MDGA2: variants seen among roughly 807,000 people sequenced by gnomAD.
MDGA2 encodes the protein MAM domain-containing glycosylphosphatidylinositol anchor protein 2.
In MDGA2, 40 loss-of-function variants were observed where a neutral mutation model predicts 117.8. The observed-to-expected ratio is 0.34, with a 90% CI of 0.26 to 0.44. MDGA2 has a LOEUF of 0.44. Ranked by LOEUF, MDGA2 falls within the 20% of genes least tolerant of loss-of-function variation. MDGA2 has a pLI of 1.00. For synonymous variants in MDGA2, 452 were observed against 439.0 expected (o/e 1.03, Z -0.37); for missense variants, 1,123 against 1,250.6 (o/e 0.90, Z 1.54).
At chr14:46,979,206 C>T (rs1886576546) in intron 8 of MDGA2, among the ~76,000 whole-genome samples, 1 of 151,858 alleles carries the variant, frequency 6.6e-6, no homozygotes, top group Non-Finnish European at 1.5e-5. Context: ...TTTTGGAATA[C>T]CGGGAACTGC....
chr14:47,610,440 A>C (rs1896826552), intron 1 of MDGA2, among the ~76,000 whole-genome samples: 1 of 152,044 alleles, frequency 6.6e-6, no homozygotes, highest in Admixed American at 6.6e-5. Context: ...GAAAGCTCCT[A>C]GAATAAAATA....
intron 15 of MDGA2, among the ~76,000 whole-genome samples, chr14:46,850,412 G>A (rs1174568008): frequency 6.6e-6 from 1 of 151,768 alleles, no homozygotes; most frequent in East Asian, 1.9e-4. Flanking sequence ...TGCCTTCATT[G>A]TTAATGGTGA....
intron 14 of MDGA2, among the ~76,000 whole-genome samples, chr14:46,867,994 A>T (rs545489531): frequency 6.6e-6 from 1 of 152,056 alleles, no homozygotes. Flanking sequence ...TAAACTGCAT[A>T]CTTTCAATTC....
intron 2 of MDGA2, among the ~76,000 whole-genome samples, chr14:47,239,257 A>G (rs1445911840): frequency 3.3e-5 from 5 of 150,728 alleles, no homozygotes; most frequent in Non-Finnish European, 4.4e-5. Context: ...GTGCTAAATT[A>G]AATTACGGAC....
chr14:47,151,884 A>G (rs1395805330), intron 3 of MDGA2, among the ~76,000 whole-genome samples: 1 of 152,038 alleles, frequency 6.6e-6, no homozygotes, highest in African/African-American at 2.4e-5. Flanking sequence ...GGCACACTCA[A>G]TAATCTAATA....
intron 2 of MDGA2, among the ~76,000 whole-genome samples, chr14:47,247,452 C>T (rs1290813176): frequency 6.6e-6 from 1 of 151,132 alleles, no homozygotes; most frequent in Non-Finnish European, 1.5e-5. Context: ...GTACAGGCAC[C>T]TGCCACCATG....
At position 47,384,371 on chromosome 14, in the gene MDGA2, ATAATCT is replaced by A. The variant is rs1396841681; in HGVS notation, c.281-82827_281-82822del. On this transcript the variant is annotated intron_variant, in intron 1 of 16. Transcript: ENST00000399232. ...CCTCATTTTGATACTAAACCTCATAATAATCTTAAAGTCTAGAACAAAAGTGAATGT... is the reference window on the plus strand; with the variant it reads ...CCTCATTTTGATACTAAACCTCATAATAAAGTCTAGAACAAAAGTGAATGT... Among the ~76,000 whole-genome samples, 14 of 151,652 alleles carry A rather than the reference ATAATCT, an allele frequency of 9.2e-5. 1 individual carries two copies. The East Asian group carries it at 2.7e-3, about 29-fold the overall frequency.
chr14:46,951,731 T>C (rs1885376910), intron 9 of MDGA2, among the ~76,000 whole-genome samples: 1 of 151,900 alleles, frequency 6.6e-6, no homozygotes, highest in South Asian at 2.1e-4. Flanking sequence ...GTTGAGCGTC[T>C]AGATAAGAAC....
At chr14:46,874,924 T>G (rs1047677558) in intron 12 of MDGA2, among the ~76,000 whole-genome samples, 34 of 151,292 alleles carry the variant, frequency 2.2e-4, no homozygotes, top group Non-Finnish European at 8.9e-5. Flanking sequence ...TAGTAATGTT[T>G]CTAGGTATCA....
At chr14:47,441,789 C>A (rs1893017162) in intron 1 of MDGA2, among the ~76,000 whole-genome samples, 1 of 151,992 alleles carries the variant, frequency 6.6e-6, no homozygotes, top group Non-Finnish European at 1.5e-5. Context: ...GAAATATAAA[C>A]CAGTACTTGA....
chr14:47,090,637 C>A (rs949327135), intron 6 of MDGA2, among the ~76,000 whole-genome samples: 4 of 152,076 alleles, frequency 2.6e-5, no homozygotes, highest in African/African-American at 9.7e-5. Flanking sequence ...AGGGAGTGGG[C>A]CAGATTGTGT....
rs150020462 is a variant in MDGA2, at chr14:47,479,625, A to T, written c.281-178075T>A. Among the ~76,000 whole-genome samples the T allele has an allele frequency of 5.3e-3, 812 of 152,218 alleles. 6 individuals are homozygous for T. The highest frequency in any genetic ancestry group is 0.018 in the African/African-American group (757 of 41,554). On this transcript the variant is annotated intron_variant, in intron 1 of 16. Transcript: ENST00000399232. Reference sequence around the variant, plus strand: ...GAAGGATCTCCTGCTTCTTCTTGGCATCTAACCTTCATTACAGGGATATTT... The same window carrying T: ...GAAGGATCTCCTGCTTCTTCTTGGCTTCTAACCTTCATTACAGGGATATTT...
At chr14:47,099,796 G>T (rs1454089019) in intron 5 of MDGA2, among the ~76,000 whole-genome samples, 1 of 152,002 alleles carries the variant, frequency 6.6e-6, no homozygotes, top group African/African-American at 2.4e-5. Context: ...GAAAATACTT[G>T]TAACTATCTT....
chr14:47,537,507 G>A (rs1318397241), intron 1 of MDGA2, among the ~76,000 whole-genome samples: 1 of 126,076 alleles, frequency 7.9e-6, no homozygotes, highest in South Asian at 2.7e-4. Context: ...ATGCTACTAT[G>A]CAGCTCAAGA....
chr14:47,081,355 C>G (rs935295377), intron 6 of MDGA2, among the ~76,000 whole-genome samples: 3 of 152,022 alleles, frequency 2.0e-5, no homozygotes, highest in Admixed American at 6.5e-5. Context: ...TCAAAAGTAT[C>G]AAGATTATAA....
chr14:47,029,795 A>G (rs1888596974), intron 8 of MDGA2, among the ~76,000 whole-genome samples: 1 of 152,102 alleles, frequency 6.6e-6, no homozygotes, highest in African/African-American at 2.4e-5. Flanking sequence ...TCTTTTAGGA[A>G]GACAATAAGC....
chr14:46,904,215 AT>A (rs1363352653), intron 10 of MDGA2, among the ~76,000 whole-genome samples: 1 of 151,972 alleles, frequency 6.6e-6, no homozygotes, highest in Non-Finnish European at 1.5e-5. Flanking sequence ...AATATTAAAA[AT>A]TAAAAATTAG....
intron 1 of MDGA2, among the ~76,000 whole-genome samples, chr14:47,503,775 T>G (rs541090097): frequency 6.6e-6 from 1 of 152,332 alleles, no homozygotes; most frequent in Admixed American, 6.5e-5. Context: ...ACAATTTTCC[T>G]GGTTGCCAAT....
chr14:47,612,922 T>C (rs1784231153), intron 1 of MDGA2, among the ~76,000 whole-genome samples: 1 of 152,178 alleles, frequency 6.6e-6, no homozygotes, highest in Non-Finnish European at 1.5e-5. Flanking sequence ...CAGGACCTAA[T>C]ATTTCCCCTT....
Sources: gnomAD v4.1 joint callset for allele counts (sites outside exome capture counted in the v4.1 genomes callset) on GRCh38, gnomAD v4.1.1 for gene constraint, MANE v1.5 for transcripts, NCBI Gene and HGNC (gene_info 2026-07-23, HGNC 2026-07-21) for gene names.